The following FBXW7 variants were observed in gnomAD, a reference collection of about 807,000 sequenced individuals.
The protein encoded by FBXW7 is F-box/WD repeat-containing protein 7.
Under a neutral mutation model 86.3 loss-of-function variants are expected in FBXW7, and 11 were observed. That is an observed-to-expected ratio of 0.13 (90% CI 0.08 to 0.21). The LOEUF (loss-of-function observed/expected upper bound fraction) is 0.21. Among genes scored for constraint, FBXW7 ranks in the 10% least tolerant of loss-of-function variants. The probability of loss-of-function intolerance (pLI) is 1.00; values close to 1 mark genes in which losing one functional copy is unlikely to be tolerated. For missense variants in FBXW7, 488 were observed against 847.4 expected (o/e 0.58, Z 5.27); for synonymous variants, 313 against 297.9 (o/e 1.05, Z -0.52).
At chr4:152,391,290 C>A (rs1004833315) in intron 4 of FBXW7, among the ~76,000 whole-genome samples, 1 of 151,984 alleles carries the variant, frequency 6.6e-6, no homozygotes, top group Non-Finnish European at 1.5e-5. Context: ...ACAGTTGATA[C>A]CACTGGCCTT....
chr4:152,373,053 A>T (rs1162824472), intron 4 of FBXW7, among the ~76,000 whole-genome samples: 1 of 151,982 alleles, frequency 6.6e-6, no homozygotes, highest in African/African-American at 2.4e-5. Context: ...GGCAAAAGTT[A>T]ACCCTTAAAA....
intron 2 of FBXW7, among the ~76,000 whole-genome samples, chr4:152,508,241 A>G (rs150003043): frequency 2.6e-4 from 39 of 152,282 alleles, no homozygotes; most frequent in African/African-American, 8.7e-4. Context: ...TCCATCTGAT[A>G]TAAGAGGGGA....
At chr4:152,444,071 CAT>C (rs1741146354) in intron 2 of FBXW7, among the ~76,000 whole-genome samples, 3 of 150,416 alleles carry the variant, frequency 2.0e-5, no homozygotes, top group East Asian at 3.9e-4. Context: ...TCTCTACAAA[CAT>C]GTGCTTTAAA....
At chr4:152,450,324 T>C (rs78360437) in intron 2 of FBXW7, among the ~76,000 whole-genome samples, 1,663 of 152,322 alleles carry the variant, frequency 0.011, 36 homozygotes, top group African/African-American at 0.038. Flanking sequence ...CATCTGCAGA[T>C]GCAATTGAAC....
chr4:152,332,355 T>C (rs1221282165), intron 8 of FBXW7, among the ~76,000 whole-genome samples: 2 of 152,170 alleles, frequency 1.3e-5, no homozygotes, highest in African/African-American at 4.8e-5. Context: ...CATCCTCATC[T>C]TGACTTTTTC....
intron 2 of FBXW7, among the ~76,000 whole-genome samples, chr4:152,451,025 T>C (rs1222345090): frequency 6.6e-6 from 1 of 152,142 alleles, no homozygotes; most frequent in Non-Finnish European, 1.5e-5. Flanking sequence ...ATCAGCTAAT[T>C]TGATGTATAG....
chr4:152,373,636 A>G (rs568124684), intron 4 of FBXW7, among the ~76,000 whole-genome samples: 3 of 152,172 alleles, frequency 2.0e-5, no homozygotes, highest in South Asian at 4.1e-4. Flanking sequence ...TCACCTACTT[A>G]GCAAACATCT....
At chr4:152,516,448 C>T (rs1259009760) in intron 2 of FBXW7, among the ~76,000 whole-genome samples, 4 of 152,158 alleles carry the variant, frequency 2.6e-5, no homozygotes, top group African/African-American at 9.7e-5. Flanking sequence ...TTCCCCACTG[C>T]CTCTCCTTCC....
At chr4:152,469,879 T>G (rs896051343) in intron 2 of FBXW7, among the ~76,000 whole-genome samples, 1 of 152,260 alleles carries the variant, frequency 6.6e-6, no homozygotes. Context: ...ATGTCATTCA[T>G]GTAGCATATG....
chr4:152,346,958 C>G lies in FBXW7; in HGVS notation c.698G>C (p.Gly233Ala), dbSNP rs1443586942. Residue 233 changes from glycine (G) to alanine (A), a missense_variant, in exon 6 of 14, where the codon GGC becomes GCC. This residue lies in a region of FBXW7 where 59 missense variants were observed against 137.9 expected (regional missense o/e 0.43). Coordinates refer to ENST00000281708, the MANE Select transcript of FBXW7 (RefSeq NM_001349798.2). ...RRITSVQPPT[G>A]LQEWLKMFQS... ...AAACATTTTTAGCCATTCCTGGAGG[C>G]CTGTAGGTGGCTGGACAGATGTAAT... The G allele has an allele frequency of 3.7e-6, 6 of 1,613,438 alleles. No homozygotes were observed. Among genetic ancestry groups the G allele is most frequent in the South Asian group, 1.1e-5 (1 of 91,050 alleles).
At chr4:152,347,614 T>C (rs142356243) in intron 5 of FBXW7, among the ~76,000 whole-genome samples, 198 of 152,300 alleles carry the variant, frequency 1.3e-3, no homozygotes, top group African/African-American at 4.5e-3. Context: ...CTGCTATTTA[T>C]AAAGTTTGGT....
intron 2 of FBXW7, among the ~76,000 whole-genome samples, chr4:152,496,812 A>T (rs929616334): frequency 2.6e-5 from 4 of 152,242 alleles, no homozygotes; most frequent in Non-Finnish European, 4.4e-5. Flanking sequence ...GTTTTCTGTT[A>T]AATTTTCATT....
intron 2 of FBXW7, among the ~76,000 whole-genome samples, chr4:152,449,561 G>A (rs1248388260): frequency 6.6e-6 from 1 of 152,058 alleles, no homozygotes; most frequent in Non-Finnish European, 1.5e-5. Flanking sequence ...TGAGAAAAAA[G>A]GACATATGGC....
intron 12 of FBXW7, chr4:152,325,634 G>A: frequency 5.1e-6 from 1 of 197,480 alleles, no homozygotes; most frequent in East Asian, 1.2e-4. Context: ...TCAACTTTCA[G>A]CTATCAAAGC....
At chr4:152,380,732 GT>G (rs1381145807) in intron 4 of FBXW7, among the ~76,000 whole-genome samples, 5 of 151,770 alleles carry the variant, frequency 3.3e-5, no homozygotes, top group African/African-American at 7.3e-5. Context: ...ATATGTACTT[GT>G]TTATTAAAAA....
chr4:152,340,392 A>C (rs1459770159), intron 6 of FBXW7, among the ~76,000 whole-genome samples: 7 of 151,950 alleles, frequency 4.6e-5, no homozygotes, highest in Non-Finnish European at 1.0e-4. Flanking sequence ...CCTGGCTAAC[A>C]TGGTGAAACC....
intron 2 of FBXW7, among the ~76,000 whole-genome samples, chr4:152,424,849 T>C (rs1384365112): frequency 6.6e-6 from 1 of 152,188 alleles, no homozygotes; most frequent in Non-Finnish European, 1.5e-5. Context: ...TCTAGGCAAA[T>C]TAAGACTTCT....
At chr4:152,374,441 A>C (rs542364842) in intron 4 of FBXW7, among the ~76,000 whole-genome samples, 129 of 152,204 alleles carry the variant, frequency 8.5e-4, no homozygotes, top group Non-Finnish European at 1.4e-3. Context: ...TTAGAAAATG[A>C]AATATTCAAA....
chr4:152,495,339 G>C (rs889508719), intron 2 of FBXW7, among the ~76,000 whole-genome samples: 1 of 152,116 alleles, frequency 6.6e-6, no homozygotes, highest in Non-Finnish European at 1.5e-5. Flanking sequence ...TACTCAGGAG[G>C]CTGAGGCAGA....
Sources: allele counts gnomAD v4.1 joint callset (sites outside exome capture counted in the v4.1 genomes callset), GRCh38; gene constraint gnomAD v4.1.1; regional missense constraint gnomAD v4.1.1; transcripts MANE v1.5; gene names NCBI Gene and HGNC (gene_info 2026-07-23, HGNC 2026-07-21).